Variants in R3HDM2 observed in about 807,000 individuals in gnomAD.
R3HDM2 encodes the protein R3H domain containing 2, also known as R3H domain-containing protein 2.
Under a neutral mutation model 124.5 loss-of-function variants are expected in R3HDM2, and 38 were observed. That is an observed-to-expected ratio of 0.31 (90% CI 0.24 to 0.40). The LOEUF is 0.40. Among genes scored for constraint, R3HDM2 ranks in the 10% least tolerant of loss-of-function variants. The pLI, the probability that R3HDM2 is intolerant of heterozygous loss-of-function variation, is 1.00. For missense variants in R3HDM2, 869 were observed against 1,236.9 expected (o/e 0.70, Z 4.46); for synonymous variants, 391 against 448.0 (o/e 0.87, Z 1.61).
At position 57,295,402 on chromosome 12, in the gene R3HDM2, G is replaced by C. The variant is rs778513297; in HGVS notation, c.807C>G (p.Asn269Lys). The change falls in exon 10 of 24, where the codon AAC (asparagine) becomes AAG (lysine). Residue 269 changes from asparagine to lysine, a missense_variant. Transcript: ENST00000402412. Reference sequence around the variant, plus strand: ...CCCACCCCTTTCCATTCTTCACCTGGTTATCATCTCGGTCCATACTGGCAT... The same window carrying C: ...CCCACCCCTTTCCATTCTTCACCTGCTTATCATCTCGGTCCATACTGGCAT... The part of the protein sequence containing the change: ...RDDASMDRDD[N>K]QIRVPLQDGR... The C allele has an allele frequency of 6.5e-7, 1 of 1,548,208 alleles. No individual in the cohort carries two copies. Among genetic ancestry groups the C allele is most frequent in the Non-Finnish European group, 8.7e-7 (1 of 1,144,438 alleles).
intron 2 of R3HDM2, among the ~76,000 whole-genome samples, chr12:57,355,949 T>C (rs563337795): frequency 6.6e-6 from 1 of 152,222 alleles, no homozygotes; most frequent in African/African-American, 2.4e-5. Flanking sequence ...GAATCCTTCC[T>C]AAATTTTTCT....
At chr12:57,325,588 T>C (rs919929528) in intron 2 of R3HDM2, among the ~76,000 whole-genome samples, 2 of 152,086 alleles carry the variant, frequency 1.3e-5, no homozygotes, top group African/African-American at 4.8e-5. Flanking sequence ...GCTGTGTCAC[T>C]CCTTCTGGAG....
chr12:57,411,233 A>T (rs1032851033), intron 1 of R3HDM2, among the ~76,000 whole-genome samples: 6 of 152,130 alleles, frequency 3.9e-5, no homozygotes, highest in African/African-American at 1.4e-4. Context: ...ACAGCATCTC[A>T]CTCTGTTGCC....
In R3HDM2 at chr12:57,419,445, C is replaced by CT. The variant is rs34978677; in HGVS notation, c.-106+11274dup. Among the ~76,000 whole-genome samples, 297 of 143,844 alleles carry CT rather than the reference C, an allele frequency of 2.1e-3. 1 individual carries two copies. Among genetic ancestry groups the CT allele is most frequent in the African/African-American group, 3.8e-3 (148 of 39,438 alleles). 94.4% of individuals were successfully genotyped at this position (143,844 alleles called of 152,430 possible). On this transcript the variant is annotated intron_variant, in intron 1 of 23. Transcript: ENST00000402412. The stretch of plus-strand genomic sequence containing the variant: ...GGCATGAGCCACTGTATCTGGCCAT[C>CT]TTTTTTTTTTTTTAGAGACAGGGTC...
At chr12:57,398,401 G>C (rs995081573) in intron 1 of R3HDM2, among the ~76,000 whole-genome samples, 2 of 151,898 alleles carry the variant, frequency 1.3e-5, no homozygotes, top group African/African-American at 4.8e-5. Context: ...TATTTGTATA[G>C]CCAATAAAAT....
intron 1 of R3HDM2, among the ~76,000 whole-genome samples, chr12:57,398,006 ACC>A (rs1302420458): frequency 6.6e-6 from 1 of 151,506 alleles, no homozygotes; most frequent in Non-Finnish European, 1.5e-5. Context: ...ACACAGTGAA[ACC>A]CCGTCTCTAC....
At chr12:57,387,851 T>G (rs2066070058) in intron 2 of R3HDM2, among the ~76,000 whole-genome samples, 1 of 152,114 alleles carries the variant, frequency 6.6e-6, no homozygotes, top group Admixed American at 6.6e-5. Flanking sequence ...TGAGAGTAGT[T>G]GAAACCTTGG....
intron 1 of R3HDM2, among the ~76,000 whole-genome samples, chr12:57,414,929 G>A (rs942400108): frequency 2.0e-5 from 3 of 152,044 alleles, no homozygotes; most frequent in African/African-American, 7.2e-5. Flanking sequence ...AGAAACAATT[G>A]ATTCTAGGTC....
chr12:57,427,631 T>A (rs1208344774), intron 1 of R3HDM2, among the ~76,000 whole-genome samples: 6 of 152,018 alleles, frequency 3.9e-5, no homozygotes, highest in Non-Finnish European at 5.9e-5. Flanking sequence ...ACTATAGGTG[T>A]GAGCCACTGC....
intron 2 of R3HDM2, among the ~76,000 whole-genome samples, chr12:57,368,211 A>C (rs988249451): frequency 2.0e-5 from 3 of 152,120 alleles, no homozygotes; most frequent in Non-Finnish European, 4.4e-5. Flanking sequence ...TTTTTAAAAA[A>C]AATTCAATGT....
chr12:57,406,229 G>A (rs1473978366), intron 1 of R3HDM2, among the ~76,000 whole-genome samples: 2 of 151,038 alleles, frequency 1.3e-5, no homozygotes, highest in African/African-American at 2.4e-5. Flanking sequence ...GCTGAGGCAG[G>A]AGAATCGCTT....
intron 2 of R3HDM2, among the ~76,000 whole-genome samples, chr12:57,375,002 A>AT (rs1555297683): frequency 2.6e-5 from 4 of 151,360 alleles, no homozygotes; most frequent in South Asian, 2.1e-4. Context: ...TCTCAAAAAA[A>AT]AAATAAATAA....
intron 2 of R3HDM2, among the ~76,000 whole-genome samples, chr12:57,374,837 CA>C (rs1046045547): frequency 2.3e-4 from 33 of 141,472 alleles, no homozygotes; most frequent in East Asian, 2.1e-4. Context: ...ACTAAAAATA[CA>C]AAAAAAAAAT....
At chr12:57,280,804 G>C (rs527282928) in intron 13 of R3HDM2, among the ~76,000 whole-genome samples, 98 of 152,242 alleles carry the variant, frequency 6.4e-4, no homozygotes, top group Non-Finnish European at 1.2e-3. Context: ...CAAAATGTGA[G>C]GCTGCTGAAG....
At chr12:57,346,152 C>A (rs1192150211) in intron 2 of R3HDM2, among the ~76,000 whole-genome samples, 2 of 133,604 alleles carry the variant, frequency 1.5e-5, no homozygotes, top group South Asian at 4.7e-4. Context: ...AGCAAAACTC[C>A]GTCTCAAAAA....
chr12:57,254,456 G>A lies in R3HDM2; in HGVS notation c.*317C>T, dbSNP rs562055775. On this transcript the variant is annotated 3_prime_UTR_variant, in exon 24 of 24. Transcript: ENST00000402412. ...CTGGAGGTTGCAGTTAGCCAAGATCGTGCTACTGCACTCCAGCTGGGGTGA... is the reference window on the plus strand; with the variant it reads ...CTGGAGGTTGCAGTTAGCCAAGATCATGCTACTGCACTCCAGCTGGGGTGA... 5.6e-4 allele frequency: 180 copies of A among 323,318 alleles called. 1 individual carries two copies. Among genetic ancestry groups the A allele is most frequent in the African/African-American group, 3.5e-3 (151 of 42,628 alleles). The allele number at this position is 323,318 out of a possible 1,614,324, so 20.0% of individuals were successfully genotyped here.
chr12:57,428,795 GGAGTACAGTGGCAC>G (rs1315888012), intron 1 of R3HDM2, among the ~76,000 whole-genome samples: 3 of 150,092 alleles, frequency 2.0e-5, no homozygotes, highest in Admixed American at 6.7e-5. Flanking sequence ...TGCCTAGGCT[GGAGTACAGTGGCAC>G]GATCTTGGCT....
At chr12:57,382,010 G>A (rs1443262976) in intron 2 of R3HDM2, among the ~76,000 whole-genome samples, 1 of 151,476 alleles carries the variant, frequency 6.6e-6, no homozygotes, top group African/African-American at 2.4e-5. Context: ...TGTAGAGATG[G>A]GGGTCTCCCT....
At chr12:57,286,685 C>G (rs960357410) in intron 12 of R3HDM2, among the ~76,000 whole-genome samples, 45 of 152,038 alleles carry the variant, frequency 3.0e-4, no homozygotes, top group African/African-American at 8.9e-4. Flanking sequence ...AGTTTGAGAC[C>G]AGCCTCAACA....
Sources: allele counts gnomAD v4.1 joint callset (sites outside exome capture counted in the v4.1 genomes callset), GRCh38; gene constraint gnomAD v4.1.1; transcripts MANE v1.5; gene names NCBI Gene and HGNC (gene_info 2026-07-23, HGNC 2026-07-21).